The following ODF2 variants were observed in gnomAD, a reference collection of about 807,000 sequenced individuals.
ODF2 encodes the protein outer dense fiber of sperm tails 2, also known as outer dense fiber protein 2.
In ODF2, 47 loss-of-function variants were observed where a neutral mutation model predicts 110.2. That is an observed-to-expected ratio of 0.43 (90% CI 0.34 to 0.54). ODF2 has a LOEUF of 0.54. Among genes scored for constraint, ODF2 ranks in the 20% least tolerant of loss-of-function variants. The pLI, the probability that ODF2 is intolerant of heterozygous loss-of-function variation, is 0.03. For synonymous variants in ODF2, 352 were observed against 397.7 expected, an observed-to-expected ratio of 0.89 and a Z score of 1.37; for missense variants, 812 against 1,054.5, an observed-to-expected ratio of 0.77 and a Z score of 3.19.
chr9:128,500,115 G>C (rs1264933112), exon 21 of ODF2: 12 of 1,614,282 alleles, frequency 7.4e-6, no homozygotes, highest in Non-Finnish European at 1.0e-5. Flanking sequence ...AGATCGCCTG[G>C]AGCAGTCCGA....
chr9:128,473,643 C>T (rs1280447646), exon 8 of ODF2: 1 of 1,613,790 alleles, frequency 6.2e-7, no homozygotes, highest in South Asian at 1.1e-5. Context: ...CATCAACACC[C>T]TGACAAGGCA....
chr9:128,497,443 AAAAATATATATATATATATATATATAT>A (rs1359983571), intron 18 of ODF2: 17 of 84,300 alleles, frequency 2.0e-4, no homozygotes, highest in African/African-American at 3.8e-4. Context: ...AAAAAAAAAA[AAAAATATATATATATATATATATATAT>A]ATATATATAT....
intron 4 of ODF2, 21 bp from the exon 5 acceptor site, chr9:128,469,162 T>C (rs1318976469): frequency 1.2e-6 from 2 of 1,610,418 alleles, no homozygotes; most frequent in Non-Finnish European, 1.7e-6. Context: ...AGTTCATGTG[T>C]TTCTCCCTCC....
At chr9:128,456,141 G>A (rs1834707260), upstream of ODF2, 5 of 1,548,394 alleles carry the variant, frequency 3.2e-6, no homozygotes, top group Non-Finnish European at 4.4e-6. Context: ...AAGCGGGGAG[G>A]AGCCGCTGCC....
At chr9:128,459,507 C>T (rs1360543085) in intron 2 of ODF2, 60 bp from the exon 2 acceptor site, 1 of 1,336,850 alleles carries the variant, frequency 7.5e-7, no homozygotes, top group Non-Finnish European at 1.1e-6. Flanking sequence ...TTCATGAGAT[C>T]TGAAATATAA....
intron 11 of ODF2, 84 bp downstream of exon 11, chr9:128,484,138 C>A: frequency 1.0e-6 from 1 of 969,284 alleles, no homozygotes; most frequent in Non-Finnish European, 1.6e-6. Context: ...ATATCACACT[C>A]AGGAAGTGTG....
At position 128,494,920 on chromosome 9, in the gene ODF2, C is replaced by G. The variant is rs796484101; in HGVS notation, c.1911+252C>G. On this transcript the variant is annotated intron_variant, in intron 17 of 20. Transcript: ENST00000604420. This position sits in a 1 kb window ranked among gnomAD's most constrained non-coding sequence, Gnocchi z 4.6. ...CTGGGCCCTCCTGCTGTTGCCCCCA[C>G]CCAAGACTGCTGCCTCTGCCTGTGT... 4.1e-6 allele frequency: 5 copies of G among 1,212,310 alleles called. No individual in the cohort carries two copies. The highest frequency in any genetic ancestry group is 5.6e-6 in the Non-Finnish European group (5 of 895,204). 75.1% of individuals were successfully genotyped at this position (1,212,310 alleles called of 1,614,324 possible).
At chr9:128,498,465 A>C in exon 19 of ODF2, 1 of 1,613,342 alleles carries the variant, frequency 6.2e-7, no homozygotes, top group East Asian at 2.2e-5. Context: ...GGTGATTGCC[A>C]AGAGGGAGGA....
chr9:128,455,347 G>A (rs543702851), upstream of ODF2: 133 of 795,058 alleles, frequency 1.7e-4, no homozygotes, highest in Middle Eastern at 1.5e-3. Context: ...GTCAGGAGAT[G>A]GAGACTATCC....
At chr9:128,467,714 C>T (rs1838612895) in intron 4 of ODF2, among the ~76,000 whole-genome samples, 2 of 127,700 alleles carry the variant, frequency 1.6e-5, no homozygotes, top group Non-Finnish European at 1.6e-5. Flanking sequence ...TACTGCACTC[C>T]AGCCTAGGCG....
At chr9:128,456,616 C>T (rs995187446) in intron 1 of ODF2, 38 of 1,514,174 alleles carry the variant, frequency 2.5e-5, no homozygotes, top group Middle Eastern at 3.4e-4. Context: ...AGAGGCTCTC[C>T]CTCGCTCTGC....
At chr9:128,475,291 A>G (rs1001128393) in intron 8 of ODF2, among the ~76,000 whole-genome samples, 10 of 152,092 alleles carry the variant, frequency 6.6e-5, no homozygotes, top group African/African-American at 2.4e-4. Context: ...GTATCCACAG[A>G]ATGTCCTGGA....
intron 20 of ODF2, 93 bp downstream of exon 20, chr9:128,499,219 T>C (rs964749709): frequency 1.8e-5 from 26 of 1,471,738 alleles, no homozygotes; most frequent in Non-Finnish European, 2.3e-5. Context: ...GTTACTGTTT[T>C]TGTGAATATG....
At chr9:128,461,426 C>A (rs1330462895) in intron 4 of ODF2, 2 of 194,238 alleles carry the variant, frequency 1.0e-5, no homozygotes, top group Non-Finnish European at 2.2e-5. Flanking sequence ...CTTTTCTTTT[C>A]TTTTCTTTTT....
At chr9:128,464,178 C>T (rs10987999) in intron 4 of ODF2, among the ~76,000 whole-genome samples, 34,600 of 130,182 alleles carry the variant, frequency 0.27, 4,785 homozygotes, top group East Asian at 0.4. Context: ...TTTTTTGAGA[C>T]GGAGTCTCGC....
chr9:128,456,197 G>A (rs973860796), exon 1 of ODF2: 7 of 1,548,278 alleles, frequency 4.5e-6, no homozygotes, highest in Non-Finnish European at 6.1e-6. Context: ...CACGACCCTG[G>A]CCTCCGACTT....
In ODF2 at chr9:128,471,329, C is replaced by G. The variant is rs202004450; in HGVS notation, c.442C>G (p.Arg148Gly). 82 of 1,610,514 alleles carry G rather than the reference C, an allele frequency of 5.1e-5. No individual in the cohort carries two copies. The highest frequency in any genetic ancestry group is 6.7e-5 in the Non-Finnish European group (79 of 1,178,734). ...TCAGGTCAAGATGCAAAAAGGTGAG[C>G]GCCAGATGGCCAAAAGGTTCCTGGA... Residue 148 changes from arginine (R) to glycine (G), a missense_variant, in exon 6 of 21, where the codon CGC becomes GGC. Arg to Gly is a moderately radical substitution (Grantham distance 125). Transcript: ENST00000604420.
chr9:128,467,748 A>AG (rs1838638831), intron 4 of ODF2, among the ~76,000 whole-genome samples: 1 of 151,306 alleles, frequency 6.6e-6, no homozygotes, highest in South Asian at 2.1e-4. Context: ...CTGTCTCAAA[A>AG]AAAAAAAAAA....
chr9:128,456,756 G>GGC, intron 1 of ODF2: 1 of 953,994 alleles, frequency 1.0e-6, no homozygotes, highest in Non-Finnish European at 1.2e-6. Flanking sequence ...GCCCTCGCCC[G>GGC]GCGGGGGGGG....
Sources: allele counts gnomAD v4.1 joint callset (sites outside exome capture counted in the v4.1 genomes callset), GRCh38; gene constraint gnomAD v4.1.1; non-coding constraint Gnocchi (gnomAD v3.1); transcripts MANE v1.5; gene names NCBI Gene and HGNC (gene_info 2026-07-23, HGNC 2026-07-21).